TMEM51: variants seen among roughly 807,000 people sequenced by gnomAD.
TMEM51 encodes transmembrane protein 51.
A neutral mutation model predicts 13.6 loss-of-function variants in TMEM51; 8 were observed. The observed-to-expected ratio is 0.59, with a 90% CI of 0.35 to 1.07. The LOEUF is 1.07. Ranked by LOEUF, TMEM51 falls within the 50% of genes least tolerant of loss-of-function variation. TMEM51 has a pLI of 0.02. For missense variants in TMEM51, 279 were observed against 330.7 expected, an observed-to-expected ratio of 0.84 and a Z score of 1.21; for synonymous variants, 147 against 144.4, an observed-to-expected ratio of 1.02 and a Z score of -0.13.
chr1:15,201,485 C>A (rs981896617), intron 1 of TMEM51, among the ~76,000 whole-genome samples: 2 of 151,362 alleles, frequency 1.3e-5, no homozygotes, highest in African/African-American at 2.4e-5. Flanking sequence ...ATGTAAGGCA[C>A]CCAGCACTGG....
At chr1:15,217,548 C>A (rs1019903584) in intron 3 of TMEM51, among the ~76,000 whole-genome samples, 2 of 152,118 alleles carry the variant, frequency 1.3e-5, no homozygotes, top group Non-Finnish European at 2.9e-5. Context: ...AAAAGTCCCA[C>A]AATTTGCCAT....
chr1:15,162,307 C>T (rs1478117327), intron 1 of TMEM51, among the ~76,000 whole-genome samples: 1 of 152,052 alleles, frequency 6.6e-6, no homozygotes, highest in Non-Finnish European at 1.5e-5. Flanking sequence ...GGATTACAGG[C>T]ATGTGCCACC....
chr1:15,217,471 G>A (rs1314637949), intron 3 of TMEM51, among the ~76,000 whole-genome samples: 7 of 152,162 alleles, frequency 4.6e-5, no homozygotes, highest in African/African-American at 1.4e-4. Flanking sequence ...CACAGAACCA[G>A]GGGGATATAT....
intron 3 of TMEM51, among the ~76,000 whole-genome samples, chr1:15,217,371 G>GT (rs1158229956): frequency 1.3e-5 from 2 of 152,172 alleles, no homozygotes; most frequent in Admixed American, 1.3e-4. Context: ...GAAAGTGGGT[G>GT]TAAGTGGGTA....
chr1:15,183,255 A>T (rs1258825316), intron 1 of TMEM51, among the ~76,000 whole-genome samples: 2 of 152,242 alleles, frequency 1.3e-5, no homozygotes, highest in African/African-American at 4.8e-5. Flanking sequence ...TCTTTATTTT[A>T]TAGAAGCATT....
At chr1:15,171,416 C>A in intron 1 of TMEM51, 1 of 1,042,630 alleles carries the variant, frequency 9.6e-7, no homozygotes, top group Admixed American at 2.9e-5. Context: ...AGGGGCATCG[C>A]CACCTGGCCC....
chr1:15,220,140 A>G lies in TMEM51; in HGVS notation c.*397A>G, dbSNP rs1357043634. On this transcript the variant is annotated 3_prime_UTR_variant, in exon 4 of 4. Coordinates refer to ENST00000376008, the MANE Select transcript of TMEM51 (RefSeq NM_001136218.2). ...AAGACTGTTTTGTTTCAAAAAGGAA[A>G]CAAGTTTTGTGTTTGCTGTCTACGC... The G allele has an allele frequency of 1.5e-5, 3 of 201,604 alleles. No individual in the cohort carries two copies. The East Asian group carries it at 3.5e-4, about 23-fold the overall frequency. The allele number at this position is 201,604 out of a possible 1,614,324, so 12.5% of individuals were successfully genotyped here. A position where few individuals can be genotyped will look rare whatever the true frequency, so the allele number is the denominator to read the frequency against.
At chr1:15,199,155 G>A (rs755755359) in intron 1 of TMEM51, among the ~76,000 whole-genome samples, 4 of 148,266 alleles carry the variant, frequency 2.7e-5, no homozygotes, top group African/African-American at 1.0e-4. Flanking sequence ...TTTTGGAGAC[G>A]AAGTTTCACT....
intron 1 of TMEM51, among the ~76,000 whole-genome samples, chr1:15,183,760 T>C (rs1304579197): frequency 2.6e-5 from 4 of 152,198 alleles, no homozygotes; most frequent in African/African-American, 7.2e-5. Flanking sequence ...TGATTACATG[T>C]TGTGGTCATA....
At chr1:15,217,814 C>T (rs1354371986) in intron 3 of TMEM51, among the ~76,000 whole-genome samples, 1 of 152,110 alleles carries the variant, frequency 6.6e-6, no homozygotes, top group Non-Finnish European at 1.5e-5. Context: ...TTACAGAGCC[C>T]ACCGAGCTGA....
chr1:15,172,741 A>T (rs1324670612), intron 1 of TMEM51, among the ~76,000 whole-genome samples: 1 of 152,228 alleles, frequency 6.6e-6, no homozygotes, highest in Non-Finnish European at 1.5e-5. Context: ...AAATTCCGGA[A>T]AGATATGATT....
At chr1:15,171,813 C>T (rs1043691709) in intron 1 of TMEM51, among the ~76,000 whole-genome samples, 8 of 152,178 alleles carry the variant, frequency 5.3e-5, no homozygotes, top group African/African-American at 1.9e-4. Flanking sequence ...GCGGAACCTC[C>T]TCCTTGAACC....
rs150412961 is a variant in TMEM51, at chr1:15,171,362, TA to T, written c.-267+17409del. On this transcript the variant is annotated intron_variant, in intron 1 of 3. Coordinates refer to ENST00000376008, the MANE Select transcript of TMEM51 (RefSeq NM_001136218.2). The stretch of plus-strand genomic sequence containing the variant: ...ATAGGAATTAGTTCTTATGCATTCA[TA>T]GGGGGGGCGGCAGAAAGGAAGGTGG... The T allele has an allele frequency of 1.0e-3, 1,292 of 1,262,708 alleles. 9 individuals are homozygous for T. In the African/African-American group the frequency reaches 0.014, roughly 14 times the overall value. The allele number at this position is 1,262,708 out of a possible 1,614,324, so 78.2% of individuals were successfully genotyped here.
chr1:15,205,013 C>T (rs1644224708), intron 1 of TMEM51, among the ~76,000 whole-genome samples: 1 of 152,122 alleles, frequency 6.6e-6, no homozygotes, highest in Non-Finnish European at 1.5e-5. Flanking sequence ...TCAGTGCTAT[C>T]CTGGCAGAGG....
chr1:15,219,347 T>A lies in TMEM51; in HGVS notation c.366T>A (p.Asp122Glu), dbSNP rs1321326786. 6.3e-7 allele frequency: 1 copy of A among 1,590,026 alleles called. No individual in the cohort carries two copies. Among genetic ancestry groups the A allele is most frequent in the Non-Finnish European group, 8.6e-7 (1 of 1,165,072 alleles). ...GCAGCCAGGAGGAAGAAGAGGAGGA[T>A]GAGGAGGCTGCCTCAAGGTACTATG... ...EEDSQEEEEE[D>E]EEAASRYYVP... The change falls in exon 4 of 4, where the codon GAT (aspartate) becomes GAA (glutamate). Residue 122 changes from aspartate (D) to glutamate (E), a missense_variant. By Grantham distance (45) the Asp-to-Glu change is conservative. Coordinates refer to ENST00000376008, the MANE Select transcript of TMEM51 (RefSeq NM_001136218.2).
At chr1:15,209,008 C>T (rs1644295416) in intron 1 of TMEM51, among the ~76,000 whole-genome samples, 1 of 151,916 alleles carries the variant, frequency 6.6e-6, no homozygotes, top group East Asian at 1.9e-4. Flanking sequence ...CTTCACTGTT[C>T]GCCTCCCCAG....
chr1:15,219,321 T>G lies in TMEM51; in HGVS notation c.345-5T>G. ...CACTCTCCCTGTCTGTGTGTCTTCT[T>G]GCAGCCAGGAGGAAGAAGAGGAGGA... is the stretch of plus-strand genomic sequence containing the variant. On this transcript the variant is annotated splice_region_variant and splice_polypyrimidine_tract_variant and intron_variant, in intron 3 of 3. Coordinates refer to ENST00000376008, the MANE Select transcript of TMEM51 (RefSeq NM_001136218.2). The G allele has an allele frequency of 6.4e-7, 1 of 1,568,272 alleles. No individual in the cohort carries two copies. Among genetic ancestry groups the G allele is most frequent in the Non-Finnish European group, 8.7e-7 (1 of 1,155,798 alleles).
intron 1 of TMEM51, among the ~76,000 whole-genome samples, chr1:15,206,989 A>G (rs1644261717): frequency 6.6e-6 from 1 of 152,222 alleles, no homozygotes; most frequent in African/African-American, 2.4e-5. Flanking sequence ...GCAGGGGCTC[A>G]GCACCTTTTT....
At chr1:15,152,646 G>C (rs892712927), upstream of TMEM51, 2 of 152,302 alleles carry the variant, frequency 1.3e-5, no homozygotes, top group African/African-American at 2.4e-5. Flanking sequence ...CTCAGAGAGG[G>C]AATGGGAGCT....
Sources: allele counts gnomAD v4.1 joint callset (sites outside exome capture counted in the v4.1 genomes callset), GRCh38; gene constraint gnomAD v4.1.1; transcripts MANE v1.5; gene names NCBI Gene and HGNC (gene_info 2026-07-23, HGNC 2026-07-21).